Variants in SRPK2 observed in about 807,000 individuals in gnomAD.
The protein encoded by SRPK2 is SRSF protein kinase 2.
In SRPK2, 21 loss-of-function variants were observed where a neutral mutation model predicts 90.8. The ratio of observed to expected loss-of-function variants is 0.23; its 90% CI spans 0.16 to 0.33. The LOEUF is 0.33. Ranked by LOEUF, SRPK2 falls within the 10% of genes least tolerant of loss-of-function variation. SRPK2 has a pLI of 1.00. For synonymous variants in SRPK2, 288 were observed against 311.1 expected (o/e 0.93, Z 0.78); for missense variants, 620 against 869.0 (o/e 0.71, Z 3.60).
In SRPK2 at chr7:105,262,255, T is replaced by A. The variant is rs186971862; in HGVS notation, c.72-58470A>T. On this transcript the variant is annotated intron_variant, in intron 2 of 15. Transcript: ENST00000393651. ...GATCAGAACATTGTCCAGTCTTTCA[T>A]TGGAAACTAACACTACACTTTTATT... Among the ~76,000 whole-genome samples, 3 of 152,306 alleles carry A rather than the reference T, an allele frequency of 2.0e-5. No homozygotes were observed. The South Asian group carries it at 6.2e-4, about 32-fold the overall frequency.
intron 2 of SRPK2, among the ~76,000 whole-genome samples, chr7:105,258,790 T>C (rs1803751666): frequency 1.3e-5 from 2 of 152,130 alleles, no homozygotes; most frequent in Non-Finnish European, 2.9e-5. Flanking sequence ...AAAAACCACA[T>C]GATTATCTCG....
At chr7:105,354,672 G>A (rs1233452750) in intron 2 of SRPK2, among the ~76,000 whole-genome samples, 1 of 152,132 alleles carries the variant, frequency 6.6e-6, no homozygotes, top group Non-Finnish European at 1.5e-5. Context: ...CCTGCTGGCT[G>A]GGAACAGACA....
chr7:105,169,576 A>C (rs1196976401), intron 3 of SRPK2, among the ~76,000 whole-genome samples: 2 of 152,028 alleles, frequency 1.3e-5, no homozygotes, highest in Non-Finnish European at 2.9e-5. Context: ...AAAATACAAA[A>C]ATCAGCAGGG....
intron 6 of SRPK2, among the ~76,000 whole-genome samples, chr7:105,166,016 G>C (rs1563016259): frequency 6.6e-6 from 1 of 152,122 alleles, no homozygotes. Context: ...CATTCTTGAA[G>C]TCAGTGAGAC....
chr7:105,311,744 T>C (rs1159593502), intron 2 of SRPK2, among the ~76,000 whole-genome samples: 5 of 152,190 alleles, frequency 3.3e-5, no homozygotes, highest in Admixed American at 2.0e-4. Flanking sequence ...CTGGTGATTA[T>C]GTAAAATAGC....
intron 15 of SRPK2, among the ~76,000 whole-genome samples, chr7:105,118,783 G>A (rs890114765): frequency 1.3e-5 from 2 of 151,706 alleles, no homozygotes; most frequent in Admixed American, 6.6e-5. Context: ...AGCTGGGCAC[G>A]GTGGTACATC....
intron 2 of SRPK2, among the ~76,000 whole-genome samples, chr7:105,250,909 CTT>C (rs1477342248): frequency 1.3e-5 from 2 of 152,050 alleles, no homozygotes; most frequent in African/African-American, 4.8e-5. Context: ...GGGATAATAA[CTT>C]TGTTTTTCTT....
At chr7:105,190,660 C>T (rs1238600339) in intron 3 of SRPK2, among the ~76,000 whole-genome samples, 2 of 152,188 alleles carry the variant, frequency 1.3e-5, no homozygotes, top group Admixed American at 1.3e-4. Context: ...ATGTGCCACA[C>T]TGTTAGACTA....
rs559096443 is a variant in SRPK2, at chr7:105,360,323, A to G, written c.71+28325T>C. Among the ~76,000 whole-genome samples, 8 of 152,048 alleles carry G rather than the reference A, an allele frequency of 5.3e-5. No homozygotes were observed. The East Asian group carries it at 1.5e-3, about 29-fold the overall frequency. ...GAATACAGCACACTGATAGGTCTTG[A>G]CTCTCTATCCAATTTGCCAGTCTGT... On this transcript the variant is annotated intron_variant, in intron 2 of 15. Transcript: ENST00000393651.
At chr7:105,203,870 A>G (rs1795871427) in intron 2 of SRPK2, 85 bp from the exon 3 acceptor site, 1 of 1,469,750 alleles carries the variant, frequency 6.8e-7, no homozygotes, top group South Asian at 1.3e-5. Context: ...AATATGGGGG[A>G]AAAAATAAAA....
Position 105,344,718 on chromosome 7 carries a change from A to G in SRPK2, c.71+43930T>C, listed in dbSNP as rs189721782. ...AAAGATTTGACTATACAACCCTTCC[A>G]CTATTCCATATTTCCAAAGTACCAC... On this transcript the variant is annotated intron_variant, in intron 2 of 15. Coordinates refer to ENST00000393651, the MANE Select transcript of SRPK2 (RefSeq NM_182692.3). Among the ~76,000 whole-genome samples, 75 of 151,674 alleles carry G rather than the reference A, an allele frequency of 4.9e-4. 1 individual carries two copies. The South Asian group carries it at 0.013, about 26-fold the overall frequency.
intron 2 of SRPK2, among the ~76,000 whole-genome samples, chr7:105,314,311 G>T (rs894525505): frequency 6.6e-6 from 1 of 151,976 alleles, no homozygotes. Context: ...CAGCCTGGAC[G>T]ACAGAGTAAG....
intron 2 of SRPK2, among the ~76,000 whole-genome samples, chr7:105,324,655 G>A (rs1376040762): frequency 6.6e-6 from 1 of 152,164 alleles, no homozygotes; most frequent in Non-Finnish European, 1.5e-5. Context: ...GGGAGTCCGA[G>A]GCGGGTGGAT....
intron 2 of SRPK2, among the ~76,000 whole-genome samples, chr7:105,243,630 C>CAAAAAAAA: frequency 1.8e-5 from 1 of 55,588 alleles, no homozygotes; most frequent in Non-Finnish European, 4.4e-5. Flanking sequence ...GACTCCATCT[C>CAAAAAAAA]AAAAAAAAAA....
chr7:105,203,834 A>G, intron 2 of SRPK2, 49 bp from the exon 3 acceptor site: 2 of 1,547,912 alleles, frequency 1.3e-6, no homozygotes, highest in South Asian at 1.2e-5. Flanking sequence ...TACATCTTGC[A>G]TTATGGATGC....
intron 2 of SRPK2, among the ~76,000 whole-genome samples, chr7:105,383,188 C>T (rs966306064): frequency 5.3e-5 from 8 of 150,248 alleles, no homozygotes; most frequent in African/African-American, 1.7e-4. Context: ...CCTCAGCCTC[C>T]CAACTAGCTG....
At chr7:105,205,334 A>G (rs1796057855) in intron 2 of SRPK2, among the ~76,000 whole-genome samples, 1 of 152,210 alleles carries the variant, frequency 6.6e-6, no homozygotes. Context: ...CAGGACAACT[A>G]AAGAATATTT....
At chr7:105,126,535 G>C (rs1385298449) in intron 14 of SRPK2, among the ~76,000 whole-genome samples, 195 bp from the exon 15 acceptor site, 2 of 152,172 alleles carry the variant, frequency 1.3e-5, no homozygotes, top group African/African-American at 4.8e-5. Context: ...AGTGACTGAG[G>C]CCAGCTCACC....
intron 2 of SRPK2, among the ~76,000 whole-genome samples, chr7:105,279,238 G>T (rs868374685): frequency 5.5e-4 from 84 of 152,252 alleles, no homozygotes; most frequent in South Asian, 3.9e-3. Flanking sequence ...GTTGGCGCAG[G>T]CAGAAGAGAA....
Sources: allele counts gnomAD v4.1 joint callset (sites outside exome capture counted in the v4.1 genomes callset), GRCh38; gene constraint gnomAD v4.1.1; transcripts MANE v1.5; gene names NCBI Gene and HGNC (gene_info 2026-07-23, HGNC 2026-07-21).